TRAK1: variants seen among roughly 807,000 people sequenced by gnomAD.
TRAK1 encodes trafficking kinesin protein 1, also known as trafficking kinesin-binding protein 1.
Under a neutral mutation model 92.1 loss-of-function variants are expected in TRAK1, and 33 were observed. That is an observed-to-expected ratio of 0.36 (90% CI 0.27 to 0.48). TRAK1 has a LOEUF of 0.48. Ranked by LOEUF, TRAK1 falls within the 20% of genes least tolerant of loss-of-function variation. The pLI, the probability that TRAK1 is intolerant of heterozygous loss-of-function variation, is 0.99. For missense variants in TRAK1, 1,123 were observed against 1,257.9 expected, an observed-to-expected ratio of 0.89 and a Z score of 1.62; for synonymous variants, 521 against 517.3, an observed-to-expected ratio of 1.01 and a Z score of -0.10.
At chr3:42,111,534 T>C (rs1708405980) in intron 1 of TRAK1, among the ~76,000 whole-genome samples, 1 of 152,080 alleles carries the variant, frequency 6.6e-6, no homozygotes, top group African/African-American at 2.4e-5. Flanking sequence ...TAGCTGGGAC[T>C]ACAGGCGCCC....
intron 1 of TRAK1, among the ~76,000 whole-genome samples, chr3:42,024,296 A>G (rs1701838727): frequency 6.6e-6 from 1 of 152,214 alleles, no homozygotes; most frequent in South Asian, 2.1e-4. Context: ...GTGAGAGGCC[A>G]AGTGAGATAG....
At chr3:42,015,061 C>T (rs1701464453) in intron 1 of TRAK1, among the ~76,000 whole-genome samples, 1 of 152,146 alleles carries the variant, frequency 6.6e-6, no homozygotes. Context: ...CCAGTCTGCA[C>T]TGGGGAGGGT....
rs2149441913 is a variant in TRAK1 at position 42,194,853 on chromosome 3, A to T, written c.1025A>T (p.Glu342Val). ...KYAECMEMLH[E>V]AQEELKNLRN... ...GCAGAGTGCATGGAGATGCTGCATGAGGCGCAGGAGGAGCTGAAGAACCTC... is the reference window on the plus strand; with the variant it reads ...GCAGAGTGCATGGAGATGCTGCATGTGGCGCAGGAGGAGCTGAAGAACCTC... Residue 342 changes from glutamate to valine, a missense_variant, in exon 10 of 16, where the codon GAG becomes GTG. Physicochemically the swap from Glu to Val is moderately radical, Grantham distance 121. This residue lies in a region of TRAK1 where 686 missense variants were observed against 747.6 expected (regional missense o/e 0.92). Coordinates refer to ENST00000327628, the MANE Select transcript of TRAK1 (RefSeq NM_001042646.3). 1 of 1,613,900 alleles carries T rather than the reference A, an allele frequency of 6.2e-7. No individual in the cohort carries two copies. Among genetic ancestry groups the T allele is most frequent in the Non-Finnish European group, 8.5e-7 (1 of 1,179,920 alleles).
At chr3:42,054,024 A>G (rs764768482) in intron 1 of TRAK1, among the ~76,000 whole-genome samples, 13 of 152,178 alleles carry the variant, frequency 8.5e-5, no homozygotes, top group Non-Finnish European at 1.5e-4. Flanking sequence ...AACATCGTGG[A>G]GTCAGTAGAT....
At chr3:42,047,781 G>A (rs1290847017) in intron 1 of TRAK1, among the ~76,000 whole-genome samples, 1 of 152,156 alleles carries the variant, frequency 6.6e-6, no homozygotes, top group African/African-American at 2.4e-5. Flanking sequence ...GAAATACCTA[G>A]TGTTGGTAGC....
At chr3:42,018,339 G>A (rs1291911603) in intron 1 of TRAK1, among the ~76,000 whole-genome samples, 1 of 151,946 alleles carries the variant, frequency 6.6e-6, no homozygotes, top group African/African-American at 2.4e-5. Flanking sequence ...TTTCCCTGAG[G>A]TTCTGGGGAA....
At chr3:42,171,178 G>A (rs1327909955) in intron 2 of TRAK1, among the ~76,000 whole-genome samples, 2 of 151,946 alleles carry the variant, frequency 1.3e-5, no homozygotes, top group Non-Finnish European at 2.9e-5. Flanking sequence ...TTGAGGGTTT[G>A]GGAGGTTTTT....
Position 42,225,488 on chromosome 3 carries a change from C to A in TRAK1, c.*1751C>A, listed in dbSNP as rs569512970. ...TGCATTCACTGCAAGTAACTTATAT[C>A]TTTTTATTTGAATGTATTTTAAAGC... On this transcript the variant is annotated 3_prime_UTR_variant, in exon 16 of 16. Coordinates refer to ENST00000327628, the MANE Select transcript of TRAK1 (RefSeq NM_001042646.3). 12 of 152,134 alleles carry A rather than the reference C, an allele frequency of 7.9e-5. No individual in the cohort carries two copies. Among genetic ancestry groups the A allele is most frequent in the Admixed American group, 7.9e-4 (12 of 15,270 alleles). The allele number at this position is 152,134 out of a possible 1,614,324, so 9.4% of individuals were successfully genotyped here. A position where few individuals can be genotyped will look rare whatever the true frequency, so the allele number is the denominator to read the frequency against.
At chr3:42,050,185 G>A (rs926927452) in intron 1 of TRAK1, among the ~76,000 whole-genome samples, 2 of 142,710 alleles carry the variant, frequency 1.4e-5, no homozygotes, top group Admixed American at 1.7e-4. Context: ...AACTGAGGGT[G>A]GGGGGGTGTG....
chr3:42,060,838 C>T (rs1703405869), intron 1 of TRAK1, among the ~76,000 whole-genome samples: 1 of 152,056 alleles, frequency 6.6e-6, no homozygotes, highest in Non-Finnish European at 1.5e-5. Flanking sequence ...GCCATGTTGG[C>T]CAGGCTGGTC....
intron 1 of TRAK1, among the ~76,000 whole-genome samples, chr3:42,034,667 G>A (rs960394449): frequency 1.3e-5 from 2 of 151,894 alleles, no homozygotes; most frequent in Non-Finnish European, 2.9e-5. Flanking sequence ...TTTCTCAAAC[G>A]CTGTACCTCA....
intron 14 of TRAK1, among the ~76,000 whole-genome samples, chr3:42,214,381 T>A (rs1709422323): frequency 6.6e-6 from 1 of 152,192 alleles, no homozygotes; most frequent in Non-Finnish European, 1.5e-5. Flanking sequence ...CCTTCACCTG[T>A]TGGTGTCTGC....
intron 2 of TRAK1, among the ~76,000 whole-genome samples, chr3:42,151,094 A>G (rs1387795550): frequency 6.6e-6 from 1 of 152,212 alleles, no homozygotes; most frequent in Non-Finnish European, 1.5e-5. Flanking sequence ...TGGATTAGGG[A>G]GCACTGGTTA....
intron 6 of TRAK1, among the ~76,000 whole-genome samples, chr3:42,191,000 A>G (rs1003155542): frequency 6.6e-6 from 1 of 152,158 alleles, no homozygotes; most frequent in Non-Finnish European, 1.5e-5. Context: ...CAAGTTGTCC[A>G]GAGTCCTGGG....
At chr3:42,067,157 A>G (rs548034823) in intron 1 of TRAK1, among the ~76,000 whole-genome samples, 23 of 152,300 alleles carry the variant, frequency 1.5e-4, no homozygotes, top group African/African-American at 5.5e-4. Flanking sequence ...TCTGACTTTT[A>G]ATTGTGGACC....
intron 1 of TRAK1, among the ~76,000 whole-genome samples, chr3:42,054,640 T>G (rs533624644): frequency 8.1e-4 from 124 of 152,276 alleles, no homozygotes; most frequent in African/African-American, 2.9e-3. Flanking sequence ...TTTACCACCA[T>G]CGTACTTGTT....
chr3:42,027,159 G>A (rs1424214928), intron 1 of TRAK1, among the ~76,000 whole-genome samples: 1 of 152,098 alleles, frequency 6.6e-6, no homozygotes, highest in Non-Finnish European at 1.5e-5. Context: ...AAAATAATGA[G>A]ATAATATGTG....
chr3:42,127,061 G>A (rs1576493557), intron 2 of TRAK1, among the ~76,000 whole-genome samples: 1 of 152,264 alleles, frequency 6.6e-6, no homozygotes, highest in South Asian at 2.1e-4. Context: ...GAGGCTCTTA[G>A]CAAGTCATTT....
chr3:42,116,085 C>G (rs889723164), intron 1 of TRAK1, among the ~76,000 whole-genome samples: 36 of 152,362 alleles, frequency 2.4e-4, no homozygotes, highest in Non-Finnish European at 2.5e-4. Flanking sequence ...TGAACACTTA[C>G]TAGTTACCAG....
Sources: allele counts gnomAD v4.1 joint callset (sites outside exome capture counted in the v4.1 genomes callset), GRCh38; gene constraint gnomAD v4.1.1; regional missense constraint gnomAD v4.1.1; transcripts MANE v1.5; gene names NCBI Gene and HGNC (gene_info 2026-07-23, HGNC 2026-07-21).